FRMD5: variants seen among roughly 807,000 people sequenced by gnomAD.
FRMD5 encodes the protein FERM domain-containing protein 5.
In FRMD5, 20 loss-of-function variants were observed where a neutral mutation model predicts 69.0. The ratio of observed to expected loss-of-function variants is 0.29; its 90% CI spans 0.20 to 0.42. The LOEUF is 0.42. FRMD5 is among the 10% of genes least tolerant of loss of function. The pLI is 1.00. For synonymous variants in FRMD5, 271 were observed against 260.1 expected, an observed-to-expected ratio of 1.04 and a Z score of -0.40; for missense variants, 595 against 708.6, an observed-to-expected ratio of 0.84 and a Z score of 1.82.
rs5812254 is a variant in FRMD5, at chr15:43,902,689, C to CAAA, written c.552-430_552-428dup. 9.0e-3 allele frequency among the ~76,000 whole-genome samples: 1,019 copies of CAAA among 112,796 alleles called. 11 individuals carry two copies. Among genetic ancestry groups the CAAA allele is most frequent in the African/African-American group, 0.026 (903 of 34,146 alleles). The allele number at this position is 112,796 out of a possible 152,430, so 74.0% of individuals were successfully genotyped here. On this transcript the variant is annotated intron_variant, in intron 6 of 13. Coordinates refer to ENST00000417257, the MANE Select transcript of FRMD5 (RefSeq NM_032892.5). ...TGAGTGACAGAATGAGACCCTGTCT[C>CAAA]AAAAAAAAAAAAAAAAGAATGCAAG...
intron 5 of FRMD5, among the ~76,000 whole-genome samples, chr15:43,909,327 G>C (rs1013123684): frequency 2.6e-5 from 4 of 151,794 alleles, no homozygotes; most frequent in African/African-American, 9.7e-5. Context: ...TTGAACCTGG[G>C]GGGCAGAGGT....
intron 7 of FRMD5, among the ~76,000 whole-genome samples, chr15:43,896,018 A>C (rs2088902894): frequency 1.3e-5 from 2 of 152,172 alleles, no homozygotes; most frequent in African/African-American, 4.8e-5. Context: ...TGTTCTTCAG[A>C]TCTCCCATTT....
At chr15:43,927,402 G>C (rs1254572725) in intron 1 of FRMD5, among the ~76,000 whole-genome samples, 4 of 152,088 alleles carry the variant, frequency 2.6e-5, no homozygotes, top group African/African-American at 9.7e-5. Context: ...TCTCAGGACA[G>C]AGACTCGTTA....
chr15:43,895,195 G>A (rs181079159), intron 7 of FRMD5, among the ~76,000 whole-genome samples: 135 of 152,292 alleles, frequency 8.9e-4, no homozygotes, highest in African/African-American at 3.2e-3. Flanking sequence ...GATGTTGACA[G>A]ATTTAAATTT....
At chr15:43,992,895 T>C (rs1435255260) in intron 1 of FRMD5, among the ~76,000 whole-genome samples, 1 of 152,118 alleles carries the variant, frequency 6.6e-6, no homozygotes, top group Non-Finnish European at 1.5e-5. Context: ...TGTAGATGTT[T>C]ATTGCTACAA....
chr15:43,994,876 T>A (rs1002654771), intron 1 of FRMD5, among the ~76,000 whole-genome samples: 1 of 152,220 alleles, frequency 6.6e-6, no homozygotes, highest in Admixed American at 6.5e-5. Flanking sequence ...CTAATTAGCA[T>A]CCTCTTCTTT....
At chr15:43,971,042 T>C (rs546676227) in intron 1 of FRMD5, among the ~76,000 whole-genome samples, 1 of 151,930 alleles carries the variant, frequency 6.6e-6, no homozygotes, top group East Asian at 1.9e-4. Context: ...CTGGCCAACA[T>C]GGTGAAACCT....
At chr15:43,954,641 T>C (rs1290195031) in intron 1 of FRMD5, among the ~76,000 whole-genome samples, 2 of 152,244 alleles carry the variant, frequency 1.3e-5, no homozygotes, top group Non-Finnish European at 2.9e-5. Flanking sequence ...TTACTTAGCA[T>C]TTCCATAGCA....
intron 1 of FRMD5, among the ~76,000 whole-genome samples, chr15:44,125,546 T>C (rs2077014280): frequency 6.6e-6 from 1 of 152,214 alleles, no homozygotes; most frequent in Non-Finnish European, 1.5e-5. Flanking sequence ...TCAGGGCCTA[T>C]GGAATTGAGG....
chr15:44,140,300 G>A (rs532938365), intron 1 of FRMD5, among the ~76,000 whole-genome samples: 29 of 151,840 alleles, frequency 1.9e-4, no homozygotes, highest in South Asian at 6.2e-4. Context: ...AGAAAATAAC[G>A]TACTAGAAAA....
rs1389338735 is a variant in FRMD5, at chr15:44,133,372, C to T, written c.102+61581G>A. Among the ~76,000 whole-genome samples the T allele has an allele frequency of 4.0e-5, 6 of 151,618 alleles. No individual in the cohort carries two copies. The East Asian group carries it at 9.7e-4, about 25-fold the overall frequency. On this transcript the variant is annotated intron_variant, in intron 1 of 13. Transcript: ENST00000417257. ...CAGGCAGATCACAAGGTCAGGAGAT[C>T]GAGACCATCCTGGCTAACACGGTGA...
intron 1 of FRMD5, among the ~76,000 whole-genome samples, chr15:44,026,543 T>C (rs1392938406): frequency 6.6e-6 from 1 of 152,214 alleles, no homozygotes; most frequent in East Asian, 1.9e-4. Flanking sequence ...ATTATTTATT[T>C]ACTCAAGAGA....
intron 1 of FRMD5, among the ~76,000 whole-genome samples, chr15:44,048,665 C>T (rs1892531324): frequency 6.6e-6 from 1 of 152,000 alleles, no homozygotes; most frequent in Non-Finnish European, 1.5e-5. Context: ...CTCCGTCTCC[C>T]AGGTTCAAGC....
intron 1 of FRMD5, among the ~76,000 whole-genome samples, chr15:44,160,396 A>C (rs938133399): frequency 1.6e-4 from 25 of 152,332 alleles, no homozygotes; most frequent in African/African-American, 6.0e-4. Context: ...TTTGCAGGAT[A>C]GAACAGAACC....
chr15:43,973,830 T>A (rs2090424925), intron 1 of FRMD5, among the ~76,000 whole-genome samples: 1 of 150,908 alleles, frequency 6.6e-6, no homozygotes, highest in Non-Finnish European at 1.5e-5. Context: ...TTGGCTTATA[T>A]CCAATTTGCG....
chr15:44,023,988 T>C (rs1323153698), intron 1 of FRMD5, among the ~76,000 whole-genome samples: 1 of 152,168 alleles, frequency 6.6e-6, no homozygotes, highest in Non-Finnish European at 1.5e-5. Flanking sequence ...GGATATGAAG[T>C]ATATGTAGCA....
chr15:44,099,205 A>G (rs1357001470), intron 1 of FRMD5, among the ~76,000 whole-genome samples: 1 of 152,162 alleles, frequency 6.6e-6, no homozygotes, highest in African/African-American at 2.4e-5. Flanking sequence ...TGACCAATAA[A>G]ATAAATAGCC....
intron 1 of FRMD5, among the ~76,000 whole-genome samples, chr15:44,062,583 C>T (rs1045943453): frequency 2.0e-5 from 3 of 150,450 alleles, no homozygotes; most frequent in African/African-American, 4.9e-5. Flanking sequence ...CCCAGCTACT[C>T]GGGAAGCTGA....
intron 1 of FRMD5, among the ~76,000 whole-genome samples, chr15:44,087,389 T>G (rs931882115): frequency 6.6e-6 from 1 of 152,076 alleles, no homozygotes; most frequent in African/African-American, 2.4e-5. Context: ...ACATATAAAC[T>G]TAAGAGTAAT....
Sources: allele counts gnomAD v4.1 joint callset (sites outside exome capture counted in the v4.1 genomes callset), GRCh38; gene constraint gnomAD v4.1.1; transcripts MANE v1.5; gene names NCBI Gene and HGNC (gene_info 2026-07-23, HGNC 2026-07-21).